NCOR2: variants seen among roughly 807,000 people sequenced by gnomAD.
The protein encoded by NCOR2 is CTG repeat protein 26.
Under a neutral mutation model 262.9 loss-of-function variants are expected in NCOR2, and 81 were observed. The observed-to-expected ratio is 0.31, with a 90% CI of 0.26 to 0.37. The LOEUF (loss-of-function observed/expected upper bound fraction) is 0.37. Among genes scored for constraint, NCOR2 ranks in the 10% least tolerant of loss-of-function variants. The probability of loss-of-function intolerance (pLI) is 1.00; values close to 1 mark genes in which losing one functional copy is unlikely to be tolerated. For missense variants in NCOR2, 3,385 were observed against 3,621.4 expected (o/e 0.93, Z 1.68); for synonymous variants, 1,659 against 1,559.3 (o/e 1.06, Z -1.51).
chr12:124,426,984 T>G (rs2043587220), intron 10 of NCOR2, among the ~76,000 whole-genome samples, 184 bp from the exon 13 acceptor site: 1 of 152,038 alleles, frequency 6.6e-6, no homozygotes, highest in Non-Finnish European at 1.5e-5. Context: ...GAAGGGAGAA[T>G]GTAAAGGCCT....
intron 1 of NCOR2, among the ~76,000 whole-genome samples, chr12:124,564,740 C>T (rs2052178761): frequency 6.6e-6 from 1 of 152,146 alleles, no homozygotes; most frequent in Admixed American, 6.5e-5. Context: ...TCCACCCACA[C>T]TCTCAGATGG....
intron 7 of NCOR2, among the ~76,000 whole-genome samples, chr12:124,448,625 T>C (rs942109191): frequency 4.4e-5 from 6 of 136,674 alleles, no homozygotes; most frequent in Non-Finnish European, 6.4e-5. Context: ...GGAGAGATTT[T>C]CTAGGCTGCT....
At chr12:124,385,051 G>A (rs1443938842) in intron 17 of NCOR2, among the ~76,000 whole-genome samples, 1 of 152,046 alleles carries the variant, frequency 6.6e-6, no homozygotes, top group African/African-American at 2.4e-5. Context: ...AGGAAGGGAA[G>A]GAGGAGGAAG....
chr12:124,378,499 A>C lies in NCOR2; in HGVS notation c.2020-115T>G. 9.1e-7 allele frequency: 1 copy of C among 1,104,348 alleles called. No individual in the cohort carries two copies. Among genetic ancestry groups the C allele is most frequent in the Non-Finnish European group, 1.3e-6 (1 of 794,656 alleles). 68.4% of individuals were successfully genotyped at this position (1,104,348 alleles called of 1,614,324 possible). ...AGGGCAGTGATCCCGGCCATGTAGC[A>C]ATGAGGGTGACCGTCCCCCTCACAC... On this transcript the variant is annotated intron_variant, in intron 17 of 46. Coordinates refer to ENST00000405201, the Ensembl canonical transcript of NCOR2. This position sits in a 1 kb window ranked among gnomAD's most constrained non-coding sequence, Gnocchi z 4.2.
chr12:124,386,689 GC>G (rs1172873872), intron 16 of NCOR2, among the ~76,000 whole-genome samples: 1 of 152,262 alleles, frequency 6.6e-6, no homozygotes, highest in African/African-American at 2.4e-5. Context: ...AGAGCATGCC[GC>G]CCCCCAGGTT....
chr12:124,351,158 T>C (rs545320167), intron 27 of NCOR2, among the ~76,000 whole-genome samples: 16 of 152,254 alleles, frequency 1.1e-4, no homozygotes, highest in Non-Finnish European at 2.1e-4. Flanking sequence ...TCCCCACCAC[T>C]GCGTGGGGTC....
At chr12:124,375,295 T>C (rs2039900214) in intron 18 of NCOR2, among the ~76,000 whole-genome samples, 1 of 152,280 alleles carries the variant, frequency 6.6e-6, no homozygotes, top group Non-Finnish European at 1.5e-5. Flanking sequence ...GGGATGAAAC[T>C]TCTGGGTCTC....
At chr12:124,506,700 G>C (rs997479248) in intron 1 of NCOR2, among the ~76,000 whole-genome samples, 1 of 152,178 alleles carries the variant, frequency 6.6e-6, no homozygotes, top group Non-Finnish European at 1.5e-5. Flanking sequence ...TTTTCCATTA[G>C]ACCCATCTCC....
At chr12:124,349,752 C>A (rs1241938030) in intron 28 of NCOR2, among the ~76,000 whole-genome samples, 1 of 152,164 alleles carries the variant, frequency 6.6e-6, no homozygotes, top group Non-Finnish European at 1.5e-5. Flanking sequence ...GGGACTCTAC[C>A]CAGTGACCTC....
At chr12:124,433,879 C>CACACAA (rs1565940452) in intron 8 of NCOR2, among the ~76,000 whole-genome samples, 2 of 103,342 alleles carry the variant, frequency 1.9e-5, no homozygotes, top group South Asian at 3.0e-4. Context: ...CACACACACA[C>CACACAA]ACACACACAC....
intron 9 of NCOR2, among the ~76,000 whole-genome samples, chr12:124,429,986 C>G (rs1325160518): frequency 6.6e-6 from 1 of 152,254 alleles, no homozygotes; most frequent in Non-Finnish European, 1.5e-5. Context: ...AAGCCCAGCT[C>G]TGCCTCTTTG....
rs536863774 is a variant in NCOR2 at position 124,548,575 on chromosome 12, C to G, written c.-164-12964G>C. ...GGTCTCGATGGCAATGCTGTTCCCC[C>G]CCAAACATAGTTACTGTTTATTATT... On this transcript the variant is annotated intron_variant, in intron 1 of 32. Coordinates refer to the NCOR2 transcript ENST00000458234. This position sits in a 1 kb window ranked among gnomAD's most constrained non-coding sequence, Gnocchi z 5.1. Among the ~76,000 whole-genome samples the G allele has an allele frequency of 2.0e-5, 3 of 152,258 alleles. No homozygotes were observed. In the East Asian group the frequency reaches 5.8e-4, roughly 29 times the overall value.
chr12:124,456,509 C>CCAT (rs377759859), intron 6 of NCOR2, among the ~76,000 whole-genome samples: 73 of 151,996 alleles, frequency 4.8e-4, no homozygotes, highest in Middle Eastern at 3.4e-3. Flanking sequence ...GCCATCATCG[C>CCAT]CATCATCATC....
chr12:124,422,144 A>C (rs1371547024), intron 12 of NCOR2, among the ~76,000 whole-genome samples: 1 of 152,076 alleles, frequency 6.6e-6, no homozygotes, highest in Admixed American at 6.5e-5. Flanking sequence ...TCCAGAATCC[A>C]CCCCCAGTTT....
intron 1 of NCOR2, among the ~76,000 whole-genome samples, chr12:124,511,635 G>A (rs1317246842): frequency 6.6e-6 from 1 of 152,158 alleles, no homozygotes; most frequent in Non-Finnish European, 1.5e-5. Flanking sequence ...TGGGGTCTAG[G>A]GCCTTGTGGA....
chr12:124,507,995 A>G (rs1482474983), intron 1 of NCOR2, among the ~76,000 whole-genome samples: 1 of 152,204 alleles, frequency 6.6e-6, no homozygotes, highest in African/African-American at 2.4e-5. Flanking sequence ...TTCAGGGTAG[A>G]TCCCTGGAGG....
At chr12:124,354,365 G>A in intron 26 of NCOR2, 113 bp downstream of exon 28, 1 of 1,211,706 alleles carries the variant, frequency 8.3e-7, no homozygotes, top group South Asian at 1.5e-5. Flanking sequence ...GTGAAGAGGG[G>A]CCCCCAGACC....
intron 1 of NCOR2, among the ~76,000 whole-genome samples, chr12:124,487,232 CAGG>C (rs2047811521): frequency 6.6e-6 from 1 of 152,204 alleles, no homozygotes. Context: ...CCTCACTCGC[CAGG>C]AGAAGGATGG....
Position 124,348,331 on chromosome 12 carries a change from G to A in NCOR2, c.3845-17C>T. ...ACATGCCACCTGGAAACCACACAAA[G>A]CACTCGGTGAGGAGCTGGGCACGGG... On this transcript the variant is annotated splice_polypyrimidine_tract_variant and intron_variant, in intron 28 of 46. Transcript: ENST00000405201. 2 of 1,593,670 alleles carry A rather than the reference G, an allele frequency of 1.3e-6. No homozygotes were observed. Among genetic ancestry groups the A allele is most frequent in the Non-Finnish European group, 1.7e-6 (2 of 1,168,728 alleles).
Sources: allele counts gnomAD v4.1 joint callset (sites outside exome capture counted in the v4.1 genomes callset), GRCh38; gene constraint gnomAD v4.1.1; non-coding constraint Gnocchi (gnomAD v3.1); transcripts MANE v1.5; gene names NCBI Gene and HGNC (gene_info 2026-07-23, HGNC 2026-07-21).